FSTL5: variants seen among roughly 807,000 people sequenced by gnomAD.
The protein encoded by FSTL5 is follistatin-related protein 5.
FSTL5 carries 62 observed loss-of-function variants against 89.1 expected under a neutral mutation model. That is an observed-to-expected ratio of 0.70 (90% CI 0.57 to 0.86). FSTL5 has a LOEUF of 0.86. FSTL5 is among the 40% of genes least tolerant of loss of function. The pLI is 0.00. For synonymous variants in FSTL5, 383 were observed against 346.2 expected (o/e 1.11, Z -1.18); for missense variants, 1,057 against 1,001.6 (o/e 1.06, Z -0.75).
chr4:161,794,017 T>G (rs4579074), intron 4 of FSTL5, among the ~76,000 whole-genome samples: 145,497 of 152,204 alleles, frequency 0.96, 69,592 homozygotes, highest in South Asian at 0.99. Context: ...AAGACAAACA[T>G]GTTAATTCAG....
chr4:162,148,193 A>G (rs1443788605), intron 1 of FSTL5, among the ~76,000 whole-genome samples: 2 of 152,166 alleles, frequency 1.3e-5, no homozygotes, highest in African/African-American at 4.8e-5. Context: ...CATTGAAGCT[A>G]TTTGAACCTT....
intron 15 of FSTL5, among the ~76,000 whole-genome samples, chr4:161,446,143 C>G (rs1464868363): frequency 2.6e-5 from 4 of 151,930 alleles, no homozygotes; most frequent in Non-Finnish European, 5.9e-5. Flanking sequence ...AGCCTCTGAT[C>G]ATTGTGAAGA....
intron 15 of FSTL5, among the ~76,000 whole-genome samples, chr4:161,432,770 A>G (rs750850388): frequency 2.0e-5 from 3 of 152,002 alleles, no homozygotes; most frequent in Non-Finnish European, 4.4e-5. Context: ...TAGCACAGAA[A>G]TTCAAAGGAT....
chr4:162,119,457 A>C (rs1257718354), intron 1 of FSTL5, among the ~76,000 whole-genome samples: 1 of 152,236 alleles, frequency 6.6e-6, no homozygotes, highest in Non-Finnish European at 1.5e-5. Context: ...TGTATGTAAA[A>C]GGCCTTCCAA....
intron 3 of FSTL5, among the ~76,000 whole-genome samples, chr4:161,965,723 AC>A (rs1162563175): frequency 6.6e-6 from 1 of 152,122 alleles, no homozygotes; most frequent in Non-Finnish European, 1.5e-5. Flanking sequence ...CATAGTGCTC[AC>A]TGGGCCCTTG....
chr4:161,682,259 C>T (rs1335598871), intron 6 of FSTL5, among the ~76,000 whole-genome samples: 1 of 152,104 alleles, frequency 6.6e-6, no homozygotes, highest in Non-Finnish European at 1.5e-5. Context: ...TTCCTGTATG[C>T]TACCATAGAT....
rs993000785 is a variant in FSTL5, at chr4:161,539,884, C to A, written c.1178-1584G>T. 2.1e-5 allele frequency among the ~76,000 whole-genome samples: 3 copies of A among 142,360 alleles called. No homozygotes were observed. The Admixed American group carries it at 2.3e-4, about 11-fold the overall frequency. The allele number at this position is 142,360 out of a possible 152,430, so 93.4% of individuals were successfully genotyped here. Reference sequence around the variant, plus strand: ...CCTTCTTGTTTTATATAAGATACGGCCTCCTCCAAAATCATACCTTTTTTT... The same window carrying A: ...CCTTCTTGTTTTATATAAGATACGGACTCCTCCAAAATCATACCTTTTTTT... On this transcript the variant is annotated intron_variant, in intron 9 of 15. Coordinates refer to ENST00000306100, the MANE Select transcript of FSTL5 (RefSeq NM_020116.5).
chr4:162,141,104 C>T (rs1406568893), intron 1 of FSTL5, among the ~76,000 whole-genome samples: 5 of 95,296 alleles, frequency 5.2e-5, no homozygotes, highest in African/African-American at 2.0e-4. Flanking sequence ...CCTCCCTTCT[C>T]TCTTTTTTTT....
chr4:161,953,428 AT>A lies in FSTL5; in HGVS notation c.161-32777del, dbSNP rs547475709. Among the ~76,000 whole-genome samples, 199 of 151,756 alleles carry A rather than the reference AT, an allele frequency of 1.3e-3. 2 individuals are homozygous for A. Among genetic ancestry groups the A allele is most frequent in the African/African-American group, 4.3e-3 (177 of 41,538 alleles). On this transcript the variant is annotated intron_variant, in intron 3 of 15. Transcript: ENST00000306100. ...TTATGGTTAAATAACCTGGAAAAAA[AT>A]ACTATAAAATATAGGACAACTTGCT...
intron 10 of FSTL5, among the ~76,000 whole-genome samples, chr4:161,535,878 G>C (rs9308032): frequency 0.12 from 18,439 of 151,922 alleles, 1,286 homozygotes; most frequent in African/African-American, 0.18. Flanking sequence ...AAATGTGGTA[G>C]ATATACATCA....
In FSTL5 at chr4:161,745,230, C is replaced by T. The variant is rs79257168; in HGVS notation, c.727+14181G>A. Reference sequence around the variant, plus strand: ...TCAGCAAGTAGTAACTTGATGAGTTCAGTTTGAAATCAATATTTAAAAATA... The same window carrying T: ...TCAGCAAGTAGTAACTTGATGAGTTTAGTTTGAAATCAATATTTAAAAATA... On this transcript the variant is annotated intron_variant, in intron 6 of 15. Transcript: ENST00000306100. Among the ~76,000 whole-genome samples the T allele has an allele frequency of 7.2e-3, 1,096 of 152,052 alleles. 14 individuals are homozygous for T. Among genetic ancestry groups the T allele is most frequent in the African/African-American group, 0.025 (1,024 of 41,486 alleles).
intron 4 of FSTL5, among the ~76,000 whole-genome samples, chr4:161,904,740 G>A (rs1733472979): frequency 6.6e-6 from 1 of 151,656 alleles, no homozygotes; most frequent in Admixed American, 6.6e-5. Context: ...CAATATAAAT[G>A]TGCCTTCTTA....
intron 10 of FSTL5, among the ~76,000 whole-genome samples, chr4:161,514,067 C>T (rs1430369641): frequency 2.0e-5 from 3 of 151,960 alleles, no homozygotes; most frequent in Admixed American, 6.6e-5. Context: ...AACAAAAATG[C>T]AATCTGATAA....
At chr4:162,067,918 G>A (rs911146063) in intron 2 of FSTL5, among the ~76,000 whole-genome samples, 2 of 151,936 alleles carry the variant, frequency 1.3e-5, no homozygotes, top group Non-Finnish European at 2.9e-5. Context: ...GACAAGCAGA[G>A]AGCCAAATCA....
Position 161,893,452 on chromosome 4 carries a change from C to A in FSTL5, c.409+26952G>T, listed in dbSNP as rs897957564. On this transcript the variant is annotated intron_variant, in intron 4 of 15. Coordinates refer to ENST00000306100, the MANE Select transcript of FSTL5 (RefSeq NM_020116.5). ...TAATTTTTTGATTGTGGTTTTGCTT[C>A]ATTTTTCTAATGTTCTCATCAATAT... is the stretch of plus-strand genomic sequence containing the variant. Among the ~76,000 whole-genome samples, 5 of 152,210 alleles carry A rather than the reference C, an allele frequency of 3.3e-5. 1 individual carries two copies. Among genetic ancestry groups the A allele is most frequent in the Admixed American group, 2.6e-4 (4 of 15,292 alleles).
chr4:162,156,607 C>G (rs1222271963), intron 1 of FSTL5, among the ~76,000 whole-genome samples: 1 of 152,134 alleles, frequency 6.6e-6, no homozygotes, highest in Non-Finnish European at 1.5e-5. Context: ...GTGGGTGCAG[C>G]TGGAGACCAT....
At chr4:162,035,241 T>C (rs979596336) in intron 2 of FSTL5, 1 of 152,064 alleles carries the variant, frequency 6.6e-6, no homozygotes, top group African/African-American at 2.4e-5. Flanking sequence ...CTATACAGGA[T>C]GAACAAAACA....
At chr4:161,674,516 G>A (rs760641972) in intron 6 of FSTL5, among the ~76,000 whole-genome samples, 6 of 151,934 alleles carry the variant, frequency 3.9e-5, no homozygotes, top group African/African-American at 7.3e-5. Flanking sequence ...ATCCCTTCTT[G>A]GCAGAAAGAA....
Position 161,899,762 on chromosome 4 carries a change from A to G in FSTL5, c.409+20642T>C, listed in dbSNP as rs116195452. ...ACCAAAGACAAAGTGAACTCCTTCTAGTACAGCCAGATATTTGTGAAGAAA... is the reference window on the plus strand; with the variant it reads ...ACCAAAGACAAAGTGAACTCCTTCTGGTACAGCCAGATATTTGTGAAGAAA... On this transcript the variant is annotated intron_variant, in intron 4 of 15. Transcript: ENST00000306100. Among the ~76,000 whole-genome samples the G allele has an allele frequency of 9.6e-3, 1,457 of 152,310 alleles. 26 individuals carry two copies. Among genetic ancestry groups the G allele is most frequent in the African/African-American group, 0.033 (1,365 of 41,566 alleles).
Sources: allele counts gnomAD v4.1 joint callset (sites outside exome capture counted in the v4.1 genomes callset), GRCh38; gene constraint gnomAD v4.1.1; transcripts MANE v1.5; gene names NCBI Gene and HGNC (gene_info 2026-07-23, HGNC 2026-07-21).